FRMD5: variants seen among roughly 807,000 people sequenced by gnomAD.
The protein encoded by FRMD5 is FERM domain-containing protein 5.
FRMD5 carries 20 observed loss-of-function variants against 69.0 expected under a neutral mutation model. That is an observed-to-expected ratio of 0.29 (90% CI 0.20 to 0.42). The LOEUF (loss-of-function observed/expected upper bound fraction) is 0.42, where lower values mean the gene tolerates loss of function less well. Ranked by LOEUF, FRMD5 falls within the 10% of genes least tolerant of loss-of-function variation. The pLI, the probability that FRMD5 is intolerant of heterozygous loss-of-function variation, is 1.00. For missense variants in FRMD5, 595 were observed against 708.6 expected, an observed-to-expected ratio of 0.84 and a Z score of 1.82; for synonymous variants, 271 against 260.1, an observed-to-expected ratio of 1.04 and a Z score of -0.40.
chr15:44,143,938 A>AAAAAAAAAGG (rs1396590454), intron 1 of FRMD5, among the ~76,000 whole-genome samples: 1 of 151,286 alleles, frequency 6.6e-6, no homozygotes, highest in Non-Finnish European at 1.5e-5. Flanking sequence ...AAAAAAAAAA[A>AAAAAAAAAGG]AAAAGGAAAA....
chr15:43,922,143 C>A (rs749665668), intron 2 of FRMD5, among the ~76,000 whole-genome samples: 1 of 152,198 alleles, frequency 6.6e-6, no homozygotes, highest in Non-Finnish European at 1.5e-5. Context: ...AATTACACAA[C>A]TTTCAGAGGC....
intron 1 of FRMD5, among the ~76,000 whole-genome samples, chr15:44,120,689 A>T (rs1595487186): frequency 6.7e-6 from 1 of 148,450 alleles, no homozygotes. Flanking sequence ...CGCCCAGCTA[A>T]TTTTTTTTTT....
At chr15:44,029,291 G>A (rs1052641565) in intron 1 of FRMD5, among the ~76,000 whole-genome samples, 21 of 149,664 alleles carry the variant, frequency 1.4e-4, no homozygotes, top group African/African-American at 4.2e-4. Context: ...AAAGCCCTTC[G>A]GATAACACTG....
At chr15:44,093,056 C>T (rs150066249) in intron 1 of FRMD5, among the ~76,000 whole-genome samples, 3,217 of 150,924 alleles carry the variant, frequency 0.021, 103 homozygotes, top group East Asian at 0.085. Context: ...CTCAGCTTCC[C>T]GAGTAGCTAG....
intron 1 of FRMD5, among the ~76,000 whole-genome samples, chr15:43,977,440 G>T (rs2090481681): frequency 6.6e-6 from 1 of 152,090 alleles, no homozygotes; most frequent in African/African-American, 2.4e-5. Flanking sequence ...CTCACTGGGG[G>T]TGGTGCATGG....
intron 1 of FRMD5, among the ~76,000 whole-genome samples, chr15:44,177,029 T>C (rs2077910424): frequency 6.7e-6 from 1 of 150,344 alleles, no homozygotes; most frequent in African/African-American, 2.4e-5. Context: ...CTGGAACCCT[T>C]GAGCCACTGT....
At chr15:44,033,788 G>A (rs953980925) in intron 1 of FRMD5, among the ~76,000 whole-genome samples, 2 of 152,178 alleles carry the variant, frequency 1.3e-5, no homozygotes, top group African/African-American at 4.8e-5. Flanking sequence ...GTTGGGGTAA[G>A]TTGTTTGAAC....
At chr15:44,023,881 A>G (rs1246325160) in intron 1 of FRMD5, among the ~76,000 whole-genome samples, 1 of 152,204 alleles carries the variant, frequency 6.6e-6, no homozygotes, top group Non-Finnish European at 1.5e-5. Context: ...CATGATATCA[A>G]GAAAGAAGAT....
chr15:44,002,691 T>A (rs1890264956), intron 1 of FRMD5, among the ~76,000 whole-genome samples: 2 of 152,172 alleles, frequency 1.3e-5, no homozygotes, highest in African/African-American at 2.4e-5. Context: ...TTCCATACAA[T>A]GTCTGGAATC....
chr15:43,968,469 A>C (rs2090328890), intron 1 of FRMD5, among the ~76,000 whole-genome samples: 1 of 151,934 alleles, frequency 6.6e-6, no homozygotes, highest in Admixed American at 6.6e-5. Context: ...TGGGAATTTC[A>C]TTTTTTTCAA....
intron 1 of FRMD5, among the ~76,000 whole-genome samples, chr15:44,028,770 A>G (rs994035136): frequency 2.6e-5 from 4 of 152,204 alleles, no homozygotes; most frequent in African/African-American, 9.6e-5. Context: ...AAGCAGCACT[A>G]AAGTGGATGA....
At chr15:44,062,998 C>T (rs982443337) in intron 1 of FRMD5, among the ~76,000 whole-genome samples, 35 of 152,182 alleles carry the variant, frequency 2.3e-4, no homozygotes, top group Non-Finnish European at 4.3e-4. Flanking sequence ...CTAAACCATA[C>T]AATTTTGATT....
At chr15:43,982,666 G>A (rs1279608405) in intron 1 of FRMD5, among the ~76,000 whole-genome samples, 1 of 152,118 alleles carries the variant, frequency 6.6e-6, no homozygotes, top group African/African-American at 2.4e-5. Flanking sequence ...GGGGAGAAAT[G>A]GAACTTTAGC....
intron 1 of FRMD5, among the ~76,000 whole-genome samples, chr15:43,936,167 A>T (rs2089757518): frequency 6.6e-6 from 1 of 152,114 alleles, no homozygotes; most frequent in Non-Finnish European, 1.5e-5. Flanking sequence ...CCTGTACATG[A>T]TCCTCAAGAA....
intron 1 of FRMD5, among the ~76,000 whole-genome samples, chr15:44,040,992 C>CAAAAAA (rs71421819): frequency 1.1e-4 from 2 of 17,498 alleles, no homozygotes; most frequent in African/African-American, 1.7e-4. Context: ...AAATGGAAAG[C>CAAAAAA]AAAAAAAAAA....
intron 1 of FRMD5, among the ~76,000 whole-genome samples, chr15:44,191,368 A>T (rs538420587): frequency 2.6e-4 from 40 of 152,032 alleles, no homozygotes; most frequent in Non-Finnish European, 2.6e-4. Context: ...CGGGTGGATC[A>T]CGAGGTCAAG....
intron 1 of FRMD5, among the ~76,000 whole-genome samples, chr15:43,996,275 T>C (rs764768140): frequency 3.9e-5 from 6 of 152,074 alleles, no homozygotes. Flanking sequence ...GGTACAGGCC[T>C]GGAGTCAGGG....
intron 1 of FRMD5, among the ~76,000 whole-genome samples, chr15:44,122,583 A>G (rs1164020347): frequency 2.0e-5 from 3 of 151,798 alleles, no homozygotes; most frequent in Non-Finnish European, 4.4e-5. Context: ...AAAACAAAAC[A>G]AAACAAAAAC....
intron 1 of FRMD5, among the ~76,000 whole-genome samples, chr15:44,192,643 G>C (rs955379247): frequency 6.6e-6 from 1 of 152,110 alleles, no homozygotes; most frequent in Non-Finnish European, 1.5e-5. Flanking sequence ...GATAAGAAAA[G>C]CTCAATTTCT....
Sources: gnomAD v4.1 joint callset for allele counts (sites outside exome capture counted in the v4.1 genomes callset) on GRCh38, gnomAD v4.1.1 for gene constraint, MANE v1.5 for transcripts, NCBI Gene and HGNC (gene_info 2026-07-23, HGNC 2026-07-21) for gene names.